NINL: variants seen among roughly 807,000 people sequenced by gnomAD.
NINL encodes the protein ninein like, also known as ninein-like protein.
In NINL, 153 loss-of-function variants were observed where a neutral mutation model predicts 160.3. The observed-to-expected ratio is 0.95, with a 90% confidence interval of 0.84 to 1.09. The LOEUF (loss-of-function observed/expected upper bound fraction) is 1.09. Ranked by LOEUF, NINL falls within the 50% of genes least tolerant of loss-of-function variation. The pLI is 0.00. For missense variants in NINL, 1,829 were observed against 1,764.0 expected, an observed-to-expected ratio of 1.04 and a Z score of -0.66; for synonymous variants, 800 against 734.8, an observed-to-expected ratio of 1.09 and a Z score of -1.43.
intron 1 of NINL, among the ~76,000 whole-genome samples, chr20:25,561,671 G>A (rs1263607920): frequency 2.0e-5 from 3 of 149,842 alleles, no homozygotes; most frequent in South Asian, 2.1e-4. Flanking sequence ...TGTGGGGAGC[G>A]CCTCTGCCCC....
chr20:25,540,017 T>C, intron 1 of NINL: 1 of 1,288,454 alleles, frequency 7.8e-7, no homozygotes, highest in Non-Finnish European at 1.0e-6. Context: ...ATACACACTG[T>C]TTACCTGCGC....
At chr20:25,467,126 G>A (rs1035959442) in intron 19 of NINL, among the ~76,000 whole-genome samples, 1 of 152,194 alleles carries the variant, frequency 6.6e-6, no homozygotes, top group African/African-American at 2.4e-5. Context: ...AAGGGACCCT[G>A]CAGGGGATGC....
intron 1 of NINL, 31 bp from the exon 2 acceptor site, chr20:25,526,629 C>G (rs375484374): frequency 6.3e-7 from 1 of 1,591,540 alleles, no homozygotes; most frequent in Non-Finnish European, 8.6e-7. Flanking sequence ...AAGAAAACAT[C>G]AGGACACTTT....
Position 25,490,094 on chromosome 20 carries a change from C to T in NINL, c.1486-109G>A, listed in dbSNP as rs41274446. 3.8e-5 allele frequency: 37 copies of T among 974,110 alleles called. No individual in the cohort carries two copies. In the Middle Eastern group the frequency reaches 8.4e-4, roughly 22 times the overall value. 60.3% of individuals were successfully genotyped at this position (974,110 alleles called of 1,614,324 possible). ...CATAGGACTGGGCATCAGGAAAGAA[C>T]CCCCACCCACCGCAGGCGAGGCACC... On this transcript the variant is annotated intron_variant, in intron 11 of 23. Coordinates refer to ENST00000278886, the MANE Select transcript of NINL (RefSeq NM_025176.6).
chr20:25,501,923 G>A (rs954099399), intron 7 of NINL, among the ~76,000 whole-genome samples: 4 of 151,900 alleles, frequency 2.6e-5, no homozygotes, highest in African/African-American at 7.3e-5. Context: ...GCACTGTGCC[G>A]GGTCCTCATT....
At chr20:25,453,718 C>G (rs2090593762) in intron 23 of NINL, 76 bp from the exon 24 acceptor site, 1 of 1,374,486 alleles carries the variant, frequency 7.3e-7, no homozygotes, top group Non-Finnish European at 9.9e-7. Context: ...CTCTTTTATC[C>G]TCCCAGGTTT....
intron 13 of NINL, among the ~76,000 whole-genome samples, chr20:25,485,514 A>G (rs1054976802): frequency 6.6e-6 from 1 of 152,232 alleles, no homozygotes; most frequent in African/African-American, 2.4e-5. Context: ...ATGTGCATAT[A>G]TGACCCTCGG....
At position 25,462,393 on chromosome 20, in the gene NINL, C is replaced by T. The variant is rs1388065926; in HGVS notation, c.3572G>A (p.Gly1191Glu). 2 of 1,613,182 alleles carry T rather than the reference C, an allele frequency of 1.2e-6. No homozygotes were observed. Among genetic ancestry groups the T allele is most frequent in the Non-Finnish European group, 1.7e-6 (2 of 1,179,920 alleles). ...GCTGAGGCCACCCACCTGCTGCTGC[C>T]CACTGCGAACCACCTCCTCCAGGCT... ...TQSLEEVVRS[G>E]QQQSDQIQKL... The change falls in exon 20 of 24, where the codon GGG becomes GAG. Residue 1191 changes from glycine (G) to glutamate (E), a missense_variant. By Grantham distance (98) the Gly-to-Glu change is moderately conservative. Transcript: ENST00000278886.
chr20:25,481,419 C>T (rs946957581), intron 14 of NINL, among the ~76,000 whole-genome samples: 18 of 152,186 alleles, frequency 1.2e-4, no homozygotes, highest in South Asian at 2.1e-4. Flanking sequence ...AGAGACACTT[C>T]GATGTGGGTT....
At chr20:25,484,171 T>G (rs1332273684) in intron 13 of NINL, among the ~76,000 whole-genome samples, 1 of 151,944 alleles carries the variant, frequency 6.6e-6, no homozygotes, top group Non-Finnish European at 1.5e-5. Flanking sequence ...AAAATAAAAG[T>G]TGAAAGAAAA....
At chr20:25,518,704 T>C (rs555556388) in intron 2 of NINL, among the ~76,000 whole-genome samples, 2 of 152,344 alleles carry the variant, frequency 1.3e-5, no homozygotes, top group Non-Finnish European at 1.5e-5. Context: ...AACTGACTAT[T>C]TCGCTTTCTG....
At chr20:25,536,113 C>A (rs1019213984) in intron 1 of NINL, among the ~76,000 whole-genome samples, 1 of 152,160 alleles carries the variant, frequency 6.6e-6, no homozygotes, top group African/African-American at 2.4e-5. Context: ...CAGAGCCAAC[C>A]CAGGGCCTTC....
intron 1 of NINL, among the ~76,000 whole-genome samples, chr20:25,558,078 C>T (rs1234480328): frequency 1.3e-5 from 2 of 152,000 alleles, no homozygotes; most frequent in Admixed American, 6.6e-5. Context: ...GAGGTGGAGG[C>T]TGCAGTGAGC....
chr20:25,570,794 C>G (rs1255263497), intron 1 of NINL, among the ~76,000 whole-genome samples: 1 of 150,262 alleles, frequency 6.7e-6, no homozygotes, highest in Admixed American at 6.7e-5. Flanking sequence ...CCTCCACCTC[C>G]CAGGCTCATG....
intron 19 of NINL, among the ~76,000 whole-genome samples, chr20:25,466,683 C>T (rs916351538): frequency 3.9e-5 from 6 of 151,994 alleles, no homozygotes; most frequent in Non-Finnish European, 4.4e-5. Flanking sequence ...ACCTGCAATC[C>T]CAGCTACCCT....
chr20:25,583,477 G>C (rs985568679), intron 1 of NINL, among the ~76,000 whole-genome samples: 33 of 152,212 alleles, frequency 2.2e-4, no homozygotes, highest in Non-Finnish European at 4.4e-5. Context: ...GGAAACAACA[G>C]ATGCTGGAGA....
chr20:25,525,381 G>A (rs2146957527), intron 2 of NINL, among the ~76,000 whole-genome samples: 1 of 152,366 alleles, frequency 6.6e-6, no homozygotes, highest in African/African-American at 2.4e-5. Context: ...GCTGGGTGCA[G>A]TGGCTCATAC....
At chr20:25,532,876 G>A (rs544225938) in intron 1 of NINL, among the ~76,000 whole-genome samples, 30 of 152,314 alleles carry the variant, frequency 2.0e-4, no homozygotes, top group African/African-American at 7.0e-4. Context: ...ACCCCAGGAA[G>A]AGGGGCAAAG....
Position 25,453,601 on chromosome 20 carries a change from C to CAGCT in NINL, c.3995_3998dup (p.Tyr1334AlafsTer42). 1 of 1,612,108 alleles carries CAGCT rather than the reference C, an allele frequency of 6.2e-7. No individual in the cohort carries two copies. Among genetic ancestry groups the CAGCT allele is most frequent in the Non-Finnish European group, 8.5e-7 (1 of 1,179,060 alleles). On this transcript the variant is annotated frameshift_variant, in exon 24 of 24. Transcript: ENST00000278886. LOFTEE classifies it low-confidence loss of function (END_TRUNC). ...TCACCAGGTGGGCGTTCTCCACGTA[C>CAGCT]AGCTCCTTCAGCAGCAGGTCGGACT... is the stretch of plus-strand genomic sequence containing the variant.
Sources: gnomAD v4.1 joint callset for allele counts (sites outside exome capture counted in the v4.1 genomes callset) on GRCh38, gnomAD v4.1.1 for gene constraint, MANE v1.5 for transcripts, NCBI Gene and HGNC (gene_info 2026-07-23, HGNC 2026-07-21) for gene names.